The following TBCK variants were observed in gnomAD, a reference collection of about 807,000 sequenced individuals.
TBCK encodes TBC1 domain containing kinase, also known as TBC domain-containing protein kinase-like protein.
In TBCK, 99 loss-of-function variants were observed where a neutral mutation model predicts 113.4. The observed-to-expected ratio is 0.87, with a 90% CI of 0.74 to 1.03. The LOEUF (loss-of-function observed/expected upper bound fraction) is 1.03, where lower values mean the gene tolerates loss of function less well. TBCK is among the 50% of genes least tolerant of loss of function. TBCK has a pLI of 0.00. For synonymous variants in TBCK, 369 were observed against 370.8 expected (o/e 1.00, Z 0.05); for missense variants, 1,045 against 1,061.3 (o/e 0.98, Z 0.21).
intron 23 of TBCK, among the ~76,000 whole-genome samples, chr4:106,144,170 T>C (rs1257621118): frequency 6.6e-6 from 1 of 152,200 alleles, no homozygotes; most frequent in East Asian, 1.9e-4. Flanking sequence ...TTAAAAATCC[T>C]GCCTTTACTT....
rs573711635 is a variant in TBCK, at chr4:106,046,502, T to C, written c.*68A>G. ...CATCTAGTTTTGTCTGAGAGTGGCGTGGATATGAAGAACTGTGCTGTTGGT... is the reference window on the plus strand; with the variant it reads ...CATCTAGTTTTGTCTGAGAGTGGCGCGGATATGAAGAACTGTGCTGTTGGT... On this transcript the variant is annotated 3_prime_UTR_variant, in exon 26 of 26. Transcript: ENST00000394708. The C allele has an allele frequency of 4.0e-4, 323 of 817,002 alleles. No individual in the cohort carries two copies. In the African/African-American group the frequency reaches 5.1e-3, roughly 13 times the overall value. 50.6% of individuals were successfully genotyped at this position (817,002 alleles called of 1,614,324 possible).
At chr4:106,251,769 A>C in intron 6 of TBCK, 97 bp downstream of exon 6, 2 of 1,114,700 alleles carry the variant, frequency 1.8e-6, no homozygotes, top group Non-Finnish European at 2.4e-6. Flanking sequence ...ATTAATTTGT[A>C]CAGCAAAAAC....
At chr4:106,219,249 C>G (rs1264284104) in intron 19 of TBCK, among the ~76,000 whole-genome samples, 1 of 146,310 alleles carries the variant, frequency 6.8e-6, no homozygotes, top group Non-Finnish European at 1.5e-5. Flanking sequence ...AGGGATAGCA[C>G]TGGGAGATAT....
chr4:106,131,820 A>G (rs1026971319), intron 23 of TBCK, among the ~76,000 whole-genome samples: 4 of 152,192 alleles, frequency 2.6e-5, no homozygotes, highest in African/African-American at 9.6e-5. Flanking sequence ...AAATGCTGAT[A>G]GTGATATGAA....
At chr4:106,274,666 T>C (rs1026511380) in intron 3 of TBCK, among the ~76,000 whole-genome samples, 1 of 151,764 alleles carries the variant, frequency 6.6e-6, no homozygotes, top group East Asian at 1.9e-4. Context: ...TTTCCAGGGG[T>C]GGGGAGAGAG....
chr4:106,233,485 GTC>G (rs767827165), intron 16 of TBCK, 101 bp downstream of exon 16: 50 of 836,286 alleles, frequency 6.0e-5, no homozygotes, highest in Admixed American at 1.5e-4. Context: ...ATGCAGCAGT[GTC>G]TCTGTATTCA....
intron 25 of TBCK, among the ~76,000 whole-genome samples, chr4:106,082,029 G>A (rs960334823): frequency 1.3e-5 from 2 of 152,206 alleles, no homozygotes; most frequent in Non-Finnish European, 2.9e-5. Context: ...TTCAGTCATT[G>A]TGAAAAGCAG....
At chr4:106,048,818 G>C (rs1287331417) in intron 25 of TBCK, among the ~76,000 whole-genome samples, 1 of 152,112 alleles carries the variant, frequency 6.6e-6, no homozygotes, top group Non-Finnish European at 1.5e-5. Flanking sequence ...TTCTGTTATT[G>C]TAAGGAAGTC....
chr4:106,309,087 T>G, intron 1 of TBCK, 98 bp from the exon 2 acceptor site: 2 of 675,562 alleles, frequency 3.0e-6, no homozygotes, highest in Non-Finnish European at 2.4e-6. Context: ...AATGCCAACC[T>G]GAACACTTCA....
intron 22 of TBCK, among the ~76,000 whole-genome samples, chr4:106,176,307 CCT>C (rs1242673488): frequency 6.6e-6 from 1 of 152,020 alleles, no homozygotes; most frequent in African/African-American, 2.4e-5. Flanking sequence ...CATTAACCAA[CCT>C]CTCTCTTCAT....
chr4:106,266,882 A>G (rs1579449083), intron 3 of TBCK, among the ~76,000 whole-genome samples: 1 of 152,070 alleles, frequency 6.6e-6, no homozygotes, highest in South Asian at 2.1e-4. Flanking sequence ...GAAATTTTTT[A>G]AGTAGCTAAT....
At chr4:106,245,253 G>C (rs913106178) in intron 10 of TBCK, among the ~76,000 whole-genome samples, 5 of 152,152 alleles carry the variant, frequency 3.3e-5, no homozygotes, top group African/African-American at 4.8e-5. Flanking sequence ...GTAAATATTG[G>C]AGGAAAATGC....
intron 25 of TBCK, among the ~76,000 whole-genome samples, chr4:106,061,274 G>A (rs7681257): frequency 0.13 from 19,434 of 151,560 alleles, 1,561 homozygotes; most frequent in South Asian, 0.24. Context: ...AAACGTCATT[G>A]TTGTCTTATG....
intron 19 of TBCK, among the ~76,000 whole-genome samples, chr4:106,222,391 C>A (rs371180913): frequency 7.9e-5 from 12 of 152,170 alleles, no homozygotes; most frequent in African/African-American, 2.9e-4. Flanking sequence ...TTTTGTGCAA[C>A]TGTTTATAAA....
chr4:106,290,463 A>G (rs910696376), intron 3 of TBCK, among the ~76,000 whole-genome samples: 5 of 152,220 alleles, frequency 3.3e-5, no homozygotes, highest in Non-Finnish European at 7.3e-5. Flanking sequence ...GGCATGAGCC[A>G]CCACACCCGG....
intron 20 of TBCK, among the ~76,000 whole-genome samples, chr4:106,198,506 T>A (rs1341065856): frequency 2.0e-5 from 3 of 152,106 alleles, no homozygotes; most frequent in Non-Finnish European, 4.4e-5. Flanking sequence ...TCCTTCCTGA[T>A]CATTTCCATC....
chr4:106,249,532 G>T (rs898255220), intron 7 of TBCK, among the ~76,000 whole-genome samples: 29 of 152,126 alleles, frequency 1.9e-4, no homozygotes, highest in Admixed American at 6.6e-4. Context: ...CTGACTGTAT[G>T]TAAACAGCGC....
At chr4:106,120,012 C>T (rs568946161) in intron 23 of TBCK, among the ~76,000 whole-genome samples, 11 of 152,274 alleles carry the variant, frequency 7.2e-5, no homozygotes, top group African/African-American at 2.4e-4. Flanking sequence ...CCAGCCTGAG[C>T]GACGCAGAAG....
chr4:106,217,681 A>G (rs1232445991), intron 19 of TBCK, among the ~76,000 whole-genome samples: 1 of 150,622 alleles, frequency 6.6e-6, no homozygotes, highest in South Asian at 2.2e-4. Context: ...GGACCTCTTC[A>G]AGGAGAACTA....
Sources: gnomAD v4.1 joint callset for allele counts (sites outside exome capture counted in the v4.1 genomes callset) on GRCh38, gnomAD v4.1.1 for gene constraint, MANE v1.5 for transcripts, NCBI Gene and HGNC (gene_info 2026-07-23, HGNC 2026-07-21) for gene names.